GREB1L: variants seen among roughly 807,000 people sequenced by gnomAD.
The protein encoded by GREB1L is GREB1 like retinoic acid receptor coactivator, also known as GREB1-like protein.
A neutral mutation model predicts 200.8 loss-of-function variants in GREB1L; 17 were observed. The ratio of observed to expected loss-of-function variants is 0.08; its 90% CI spans 0.06 to 0.13. The LOEUF is 0.13. Among genes scored for constraint, GREB1L ranks in the 10% least tolerant of loss-of-function variants. GREB1L has a pLI of 1.00. For missense variants in GREB1L, 1,657 were observed against 2,367.7 expected (o/e 0.70, Z 6.23); for synonymous variants, 789 against 893.0 (o/e 0.88, Z 2.08).
intron 2 of GREB1L, chr18:21,380,583 T>C (rs981215772): frequency 6.6e-6 from 1 of 152,254 alleles, no homozygotes; most frequent in Admixed American, 6.5e-5. Flanking sequence ...CATGACTAGA[T>C]ACTGAGTCCT....
rs772521171 is a variant in GREB1L at position 21,439,607 on chromosome 18, C to G, written c.919C>G (p.Pro307Ala). ...PAHTGNYSLS[P>A]RPSYASGDQA... ...CCACACAGGGAATTACTCTTTGTCA[C>G]CACGACCTAGCTATGCATCAGGAGA... is the stretch of plus-strand genomic sequence containing the variant. Residue 307 changes from proline (P) to alanine (A), a missense_variant, in exon 8 of 33, where the codon CCA becomes GCA. Around this residue, in one of 9 missense-constraint regions of GREB1L, gnomAD observed 289 missense variants for 345.1 expected, o/e 0.84. Coordinates refer to ENST00000424526, the MANE Select transcript of GREB1L (RefSeq NM_001142966.3). 2 of 1,550,870 alleles carry G rather than the reference C, an allele frequency of 1.3e-6. No homozygotes were observed. Among genetic ancestry groups the G allele is most frequent in the Non-Finnish European group, 1.7e-6 (2 of 1,145,916 alleles).
At chr18:21,492,163 G>A (rs1329650599) in intron 19 of GREB1L, among the ~76,000 whole-genome samples, 6 of 151,888 alleles carry the variant, frequency 4.0e-5, no homozygotes, top group African/African-American at 1.5e-4. Flanking sequence ...TGGCTAACAC[G>A]GTGAAACCCT....
At chr18:21,393,220 A>G (rs1193696989) in intron 4 of GREB1L, among the ~76,000 whole-genome samples, 20 of 152,182 alleles carry the variant, frequency 1.3e-4, no homozygotes, top group East Asian at 3.9e-4. Context: ...GTATTGGGCA[A>G]TGATAATGGT....
intron 15 of GREB1L, among the ~76,000 whole-genome samples, chr18:21,457,565 C>CT (rs1268583432): frequency 6.6e-6 from 1 of 152,178 alleles, no homozygotes; most frequent in Admixed American, 6.5e-5. Flanking sequence ...TTCCACCTCT[C>CT]TTCCCTACCT....
At chr18:21,514,044 T>C in intron 28 of GREB1L, 58 bp downstream of exon 28, 3 of 1,439,270 alleles carry the variant, frequency 2.1e-6, no homozygotes, top group South Asian at 2.7e-5. Context: ...AATACATTTC[T>C]TGACTACAGT....
At chr18:21,367,160 G>T (rs2039708149) in intron 2 of GREB1L, among the ~76,000 whole-genome samples, 1 of 152,184 alleles carries the variant, frequency 6.6e-6, no homozygotes, top group South Asian at 2.1e-4. Flanking sequence ...AGTAAAAGGA[G>T]CAGCCTCCTA....
rs1477994704 is a variant in GREB1L at position 21,505,665 on chromosome 18, A to G, written c.4228+98A>G. On this transcript the variant is annotated intron_variant, in intron 24 of 32. Transcript: ENST00000424526. ...CTTTTCTTTCGCTCTTATGCGCATC[A>G]TTTTTTAAATTTTCATAACTGTTTC... 4.9e-6 allele frequency: 7 copies of G among 1,431,286 alleles called. No individual in the cohort carries two copies. The East Asian group carries it at 1.7e-4, about 36-fold the overall frequency. 88.7% of individuals were successfully genotyped at this position (1,431,286 alleles called of 1,614,324 possible). A position where few individuals can be genotyped will look rare whatever the true frequency, so the allele number is the denominator to read the frequency against.
intron 7 of GREB1L, among the ~76,000 whole-genome samples, chr18:21,407,884 A>G (rs1048747465): frequency 6.6e-6 from 1 of 152,152 alleles, no homozygotes; most frequent in Non-Finnish European, 1.5e-5. Context: ...CACACATCAC[A>G]TGTTCTCACT....
chr18:21,465,605 G>A (rs1488744168), intron 15 of GREB1L, among the ~76,000 whole-genome samples: 2 of 152,146 alleles, frequency 1.3e-5, no homozygotes, highest in Non-Finnish European at 2.9e-5. Flanking sequence ...AGGTATTTAT[G>A]ACACTAGTCT....
chr18:21,437,909 T>C (rs2033649745), intron 7 of GREB1L, among the ~76,000 whole-genome samples: 1 of 152,214 alleles, frequency 6.6e-6, no homozygotes, highest in African/African-American at 2.4e-5. Flanking sequence ...TTTTATGATA[T>C]TAAGAAATTA....
intron 7 of GREB1L, among the ~76,000 whole-genome samples, chr18:21,425,540 C>A (rs1432487656): frequency 1.3e-5 from 2 of 152,216 alleles, no homozygotes; most frequent in African/African-American, 4.8e-5. Context: ...TTCTCCATAT[C>A]CTTACCAACA....
chr18:21,278,973 C>G (rs1263939282), intron 1 of GREB1L, among the ~76,000 whole-genome samples: 1 of 152,054 alleles, frequency 6.6e-6, no homozygotes. Context: ...TTATTTACAG[C>G]TAACTCCATG....
In GREB1L at chr18:21,514,000, C is replaced by T. The variant is rs181329409; in HGVS notation, c.4901+14C>T. On this transcript the variant is annotated intron_variant, in intron 28 of 32. Coordinates refer to ENST00000424526, the MANE Select transcript of GREB1L (RefSeq NM_001142966.3). ...GGAGCCATCCAGGTAGACTTCCAAG[C>T]TGGGGGCGTATGACACAATGCTATA... 1.3e-6 allele frequency: 2 copies of T among 1,549,850 alleles called. No individual in the cohort carries two copies. The highest frequency in any genetic ancestry group is 2.0e-5 in the Admixed American group (1 of 50,896).
At chr18:21,391,490 A>G (rs920432558) in intron 4 of GREB1L, among the ~76,000 whole-genome samples, 1 of 152,264 alleles carries the variant, frequency 6.6e-6, no homozygotes, top group East Asian at 1.9e-4. Flanking sequence ...AAATGACTGT[A>G]TATGAGTCAG....
At chr18:21,490,409 A>T (rs2036286593) in intron 19 of GREB1L, 58 bp downstream of exon 19, 2 of 1,443,884 alleles carry the variant, frequency 1.4e-6, no homozygotes, top group East Asian at 5.0e-5. Flanking sequence ...TTTTCTAGGA[A>T]TCCTACATAG....
chr18:21,268,595 ATG>A lies in GREB1L; in HGVS notation c.-120+26204_-120+26205del, dbSNP rs1404066475. ...TATATATATATATATATATATATAC[ATG>A]TATATATATATGTTTTTTCAGGCAG... is the stretch of plus-strand genomic sequence containing the variant. On this transcript the variant is annotated intron_variant, in intron 1 of 32. Coordinates refer to ENST00000424526, the MANE Select transcript of GREB1L (RefSeq NM_001142966.3). Among the ~76,000 whole-genome samples the A allele has an allele frequency of 6.8e-5, 8 of 118,064 alleles. No individual in the cohort carries two copies. The East Asian group carries it at 1.9e-3, about 29-fold the overall frequency. 77.5% of individuals were successfully genotyped at this position (118,064 alleles called of 152,430 possible).
Position 21,451,155 on chromosome 18 carries a change from A to C in GREB1L, c.1849+4A>C, listed in dbSNP as rs1271609640. On this transcript the variant is annotated splice_donor_region_variant and intron_variant, in intron 13 of 32. Transcript: ENST00000424526. Reference sequence around the variant, plus strand: ...CATTTCAAAACCACATCATTAGGTGAGTGGTTGTAAGATTTGGCAACACTG... The same window carrying C: ...CATTTCAAAACCACATCATTAGGTGCGTGGTTGTAAGATTTGGCAACACTG... The C allele has an allele frequency of 1.9e-6, 3 of 1,551,228 alleles. No homozygotes were observed. The highest frequency in any genetic ancestry group is 8.7e-7 in the Non-Finnish European group (1 of 1,146,608).
At chr18:21,478,627 G>A (rs1484629508) in intron 17 of GREB1L, among the ~76,000 whole-genome samples, 1 of 152,226 alleles carries the variant, frequency 6.6e-6, no homozygotes, top group African/African-American at 2.4e-5. Context: ...GTCTTCAGCA[G>A]TCACTGCCTT....
intron 17 of GREB1L, chr18:21,485,392 A>G (rs1240907977): frequency 2.4e-6 from 1 of 410,506 alleles, no homozygotes; most frequent in African/African-American, 2.0e-5. Context: ...AAGTGTGTCA[A>G]CTTTCCACTA....
Sources: allele counts gnomAD v4.1 joint callset (sites outside exome capture counted in the v4.1 genomes callset), GRCh38; gene constraint gnomAD v4.1.1; regional missense constraint gnomAD v4.1.1; transcripts MANE v1.5; gene names NCBI Gene and HGNC (gene_info 2026-07-23, HGNC 2026-07-21).